Variants in ZNF385D observed in about 807,000 individuals in gnomAD.
ZNF385D encodes zinc finger protein 659.
ZNF385D carries 15 observed loss-of-function variants against 35.8 expected under a neutral mutation model. The ratio of observed to expected loss-of-function variants is 0.42; its 90% confidence interval spans 0.28 to 0.64. The LOEUF is 0.64. Ranked by LOEUF, ZNF385D falls within the 30% of genes least tolerant of loss-of-function variation. The pLI is 0.23. For synonymous variants in ZNF385D, 212 were observed against 186.8 expected (o/e 1.13, Z -1.10); for missense variants, 474 against 494.6 (o/e 0.96, Z 0.39).
chr3:21,425,255 C>G (rs564302788), intron 6 of ZNF385D, among the ~76,000 whole-genome samples: 67 of 152,166 alleles, frequency 4.4e-4, no homozygotes, highest in Non-Finnish European at 8.7e-4. Context: ...CCAACAATTT[C>G]TGAAAGATTC....
At chr3:21,544,332 C>G (rs1056170681) in intron 3 of ZNF385D, among the ~76,000 whole-genome samples, 1 of 152,178 alleles carries the variant, frequency 6.6e-6, no homozygotes, top group Non-Finnish European at 1.5e-5. Context: ...ACAATTAAGG[C>G]AACTTATCAA....
intron 3 of ZNF385D, among the ~76,000 whole-genome samples, chr3:21,876,191 G>C (rs1697955159): frequency 6.6e-6 from 1 of 151,650 alleles, no homozygotes; most frequent in African/African-American, 2.4e-5. Context: ...CAAAAAACCT[G>C]AGGGATAGAA....
At chr3:22,169,135 G>C (rs1706522184) in intron 2 of ZNF385D, 1 of 448,582 alleles carries the variant, frequency 2.2e-6, no homozygotes, top group South Asian at 9.5e-5. Flanking sequence ...CTACACACAA[G>C]AATTAAAAAT....
intron 2 of ZNF385D, among the ~76,000 whole-genome samples, chr3:22,319,414 T>C (rs555133494): frequency 6.6e-6 from 1 of 152,034 alleles, no homozygotes; most frequent in East Asian, 1.9e-4. Flanking sequence ...ATAGTTTTTA[T>C]ATAATTATAA....
intron 2 of ZNF385D, among the ~76,000 whole-genome samples, chr3:22,176,075 G>C (rs976246284): frequency 1.4e-5 from 2 of 146,178 alleles, no homozygotes; most frequent in African/African-American, 5.6e-5. Flanking sequence ...CCCCACTAGA[G>C]TGCAGTGTGA....
At chr3:22,333,526 A>G (rs1695031725) in intron 2 of ZNF385D, among the ~76,000 whole-genome samples, 1 of 151,902 alleles carries the variant, frequency 6.6e-6, no homozygotes, top group Non-Finnish European at 1.5e-5. Context: ...CTTCAATTTC[A>G]CTGAACTTCT....
chr3:21,910,419 C>G (rs576930442), intron 3 of ZNF385D, among the ~76,000 whole-genome samples: 1 of 152,016 alleles, frequency 6.6e-6, no homozygotes, highest in Non-Finnish European at 1.5e-5. Context: ...TGAAGAGAGC[C>G]TTTGCACTTA....
intron 4 of ZNF385D, among the ~76,000 whole-genome samples, chr3:21,501,289 A>G (rs1706342059): frequency 6.6e-6 from 1 of 152,070 alleles, no homozygotes; most frequent in Non-Finnish European, 1.5e-5. Context: ...ACTCCTTAAA[A>G]TCACTACATG....
chr3:22,369,179 G>C (rs962927724), intron 2 of ZNF385D, among the ~76,000 whole-genome samples: 1 of 152,062 alleles, frequency 6.6e-6, no homozygotes, highest in African/African-American at 2.4e-5. Context: ...CTTCAATCTG[G>C]GATGTCAGTG....
At chr3:21,443,501 T>C (rs1211959207) in intron 4 of ZNF385D, among the ~76,000 whole-genome samples, 10 of 152,188 alleles carry the variant, frequency 6.6e-5, no homozygotes, top group African/African-American at 9.6e-5. Context: ...AAGTTGTATA[T>C]GCAAGAGTAA....
At chr3:21,995,910 T>C (rs1695436140) in intron 3 of ZNF385D, among the ~76,000 whole-genome samples, 1 of 152,008 alleles carries the variant, frequency 6.6e-6, no homozygotes, top group African/African-American at 2.4e-5. Flanking sequence ...GTGTGCTACA[T>C]TGTCTATACC....
At chr3:21,893,737 T>A (rs1365682059) in intron 3 of ZNF385D, among the ~76,000 whole-genome samples, 1 of 152,170 alleles carries the variant, frequency 6.6e-6, no homozygotes, top group African/African-American at 2.4e-5. Flanking sequence ...TCTCGTCAAG[T>A]CTAGCTATTT....
chr3:21,932,940 G>A lies in ZNF385D; in HGVS notation c.325+235877C>T, dbSNP rs148144148. Among the ~76,000 whole-genome samples, 1,058 of 152,258 alleles carry A rather than the reference G, an allele frequency of 6.9e-3. 6 individuals carry two copies. Among genetic ancestry groups the A allele is most frequent in the African/African-American group, 0.017 (709 of 41,544 alleles). The stretch of plus-strand genomic sequence containing the variant: ...GAAGCATTTACTGAAATTGGCTACT[G>A]GGATAGGAGATCGCAAAGCTAGAGC... On this transcript the variant is annotated intron_variant, in intron 3 of 5. Coordinates refer to the ZNF385D transcript ENST00000494108.
intron 3 of ZNF385D, among the ~76,000 whole-genome samples, chr3:21,802,042 G>C (rs559598200): frequency 1.3e-5 from 2 of 152,046 alleles, no homozygotes; most frequent in East Asian, 3.9e-4. Context: ...TAGGAGACGG[G>C]GCAGATTTCT....
At chr3:21,974,002 C>A (rs1703438533) in intron 3 of ZNF385D, among the ~76,000 whole-genome samples, 1 of 151,866 alleles carries the variant, frequency 6.6e-6, no homozygotes, top group South Asian at 2.1e-4. Context: ...TTGCTCAAAG[C>A]AATCTATATA....
chr3:21,693,909 C>A (rs1271497036), intron 1 of ZNF385D, among the ~76,000 whole-genome samples: 1 of 136,468 alleles, frequency 7.3e-6, no homozygotes, highest in Admixed American at 7.7e-5. Context: ...GAGACGGAGT[C>A]TCACTGTCAC....
intron 3 of ZNF385D, among the ~76,000 whole-genome samples, chr3:22,110,981 T>G (rs978310108): frequency 1.3e-5 from 2 of 151,888 alleles, no homozygotes; most frequent in African/African-American, 4.8e-5. Context: ...AAGACTTTTG[T>G]GCTGTGGTAT....
intron 3 of ZNF385D, among the ~76,000 whole-genome samples, chr3:21,963,765 G>T (rs1702727047): frequency 6.6e-6 from 1 of 152,024 alleles, no homozygotes; most frequent in Non-Finnish European, 1.5e-5. Flanking sequence ...TCTCCTCAGT[G>T]ATTAAAAATG....
chr3:22,323,532 G>T (rs539108443), intron 2 of ZNF385D, among the ~76,000 whole-genome samples: 2 of 152,076 alleles, frequency 1.3e-5, no homozygotes, highest in Non-Finnish European at 2.9e-5. Flanking sequence ...ATACAAAACC[G>T]TGAGAAGAAA....
Sources: gnomAD v4.1 joint callset for allele counts (sites outside exome capture counted in the v4.1 genomes callset) on GRCh38, gnomAD v4.1.1 for gene constraint, MANE v1.5 for transcripts, NCBI Gene and HGNC (gene_info 2026-07-23, HGNC 2026-07-21) for gene names.